The following SLC5A11 variants were observed in gnomAD, a reference collection of about 807,000 sequenced individuals.
SLC5A11 encodes the protein solute carrier family 5 member 11.
In SLC5A11, 48 loss-of-function variants were observed where a neutral mutation model predicts 69.8. The ratio of observed to expected loss-of-function variants is 0.69; its 90% CI spans 0.55 to 0.87. The LOEUF is 0.87. Among genes scored for constraint, SLC5A11 ranks in the 40% least tolerant of loss-of-function variants. The pLI is 0.00. For synonymous variants in SLC5A11, 319 were observed against 342.4 expected (o/e 0.93, Z 0.75); for missense variants, 784 against 866.1 (o/e 0.91, Z 1.19).
chr16:24,898,160 T>C (rs1597250415), intron 10 of SLC5A11, 51 bp downstream of exon 11: 1 of 1,591,984 alleles, frequency 6.3e-7, no homozygotes, highest in Admixed American at 1.8e-5. Context: ...TCTCAGACCA[T>C]GTGAATTATT....
At chr16:24,852,043 T>C (rs943388053) in intron 1 of SLC5A11, among the ~76,000 whole-genome samples, 3 of 147,012 alleles carry the variant, frequency 2.0e-5, no homozygotes, top group Non-Finnish European at 4.5e-5. Context: ...CTCTAATGTG[T>C]TTGATACTCA....
intron 4 of SLC5A11, among the ~76,000 whole-genome samples, chr16:24,871,420 G>A (rs1300572334): frequency 2.0e-5 from 3 of 152,046 alleles, no homozygotes; most frequent in Non-Finnish European, 4.4e-5. Flanking sequence ...ACAGGTGCAC[G>A]CCACCATGCC....
chr16:24,906,970 A>G, intron 11 of SLC5A11, 55 bp from the exon 13 acceptor site: 1 of 1,590,930 alleles, frequency 6.3e-7, no homozygotes, highest in East Asian at 2.2e-5. Context: ...GCCCACTGGG[A>G]TCGGCTGCTT....
intron 10 of SLC5A11, among the ~76,000 whole-genome samples, chr16:24,905,658 A>G (rs1343143445): frequency 2.4e-4 from 36 of 151,528 alleles, no homozygotes; most frequent in Non-Finnish European, 4.9e-4. Context: ...ACACACACAC[A>G]CACACACACA....
At chr16:24,873,418 G>A (rs2047463381) in intron 5 of SLC5A11, among the ~76,000 whole-genome samples, 2 of 152,144 alleles carry the variant, frequency 1.3e-5, no homozygotes, top group Middle Eastern at 6.8e-3. Context: ...ATTGCTTGAA[G>A]CCAGGAGTTT....
At chr16:24,910,543 T>TTC (rs2050443344) in intron 15 of SLC5A11, 66 bp downstream of exon 16, 2 of 1,520,068 alleles carry the variant, frequency 1.3e-6, no homozygotes, top group South Asian at 2.6e-5. Context: ...ATTTTTTTTT[T>TTC]TTTCCTATCA....
intron 10 of SLC5A11, among the ~76,000 whole-genome samples, chr16:24,905,489 A>G (rs1468958419): frequency 1.3e-5 from 2 of 151,718 alleles, no homozygotes; most frequent in Non-Finnish European, 2.9e-5. Context: ...AGAAAAAGAA[A>G]TTAGCTGGGT....
At chr16:24,851,348 A>G (rs1430619107) in intron 1 of SLC5A11, among the ~76,000 whole-genome samples, 6 of 151,346 alleles carry the variant, frequency 4.0e-5, no homozygotes, top group African/African-American at 1.5e-4. Flanking sequence ...CCCCATGTCT[A>G]CTAAAAATAC....
chr16:24,878,276 G>A (rs141759722), intron 7 of SLC5A11, among the ~76,000 whole-genome samples: 1 of 152,334 alleles, frequency 6.6e-6, no homozygotes, highest in East Asian at 1.9e-4. Context: ...TGCACTCACA[G>A]GCACAATACA....
intron 7 of SLC5A11, among the ~76,000 whole-genome samples, chr16:24,882,291 G>T (rs982797694): frequency 1.3e-5 from 2 of 152,146 alleles, no homozygotes; most frequent in Admixed American, 6.5e-5. Context: ...AATATAGAAA[G>T]GATGGTGGGG....
intron 10 of SLC5A11, among the ~76,000 whole-genome samples, chr16:24,899,682 G>A (rs756459757): frequency 4.0e-5 from 6 of 151,524 alleles, no homozygotes; most frequent in African/African-American, 7.3e-5. Context: ...GATTACAGGC[G>A]TGAGCCACCA....
chr16:24,871,194 C>CA (rs2152301715), intron 4 of SLC5A11, among the ~76,000 whole-genome samples: 1 of 152,280 alleles, frequency 6.6e-6, no homozygotes, highest in Admixed American at 6.5e-5. Flanking sequence ...ATTCTTGCTC[C>CA]AACACGTATA....
intron 8 of SLC5A11, among the ~76,000 whole-genome samples, chr16:24,884,930 A>G (rs1597165999): frequency 2.0e-5 from 3 of 151,636 alleles, no homozygotes; most frequent in Admixed American, 6.6e-5. Flanking sequence ...TTTTAAATAG[A>G]TGGGGTTTCG....
intron 9 of SLC5A11, among the ~76,000 whole-genome samples, chr16:24,896,216 T>C (rs1000377250): frequency 6.6e-6 from 1 of 152,004 alleles, no homozygotes; most frequent in Non-Finnish European, 1.5e-5. Flanking sequence ...ACATAAAATG[T>C]AGCCAAGTGT....
chr16:24,903,382 GA>G (rs1209400756), intron 10 of SLC5A11, among the ~76,000 whole-genome samples: 3 of 152,076 alleles, frequency 2.0e-5, no homozygotes, highest in Non-Finnish European at 4.4e-5. Flanking sequence ...TCGACTATTT[GA>G]AAATGTACAA....
chr16:24,909,100 C>CAT lies in SLC5A11; in HGVS notation c.1650+5_1650+6dup. 1 of 1,613,834 alleles carries CAT rather than the reference C, an allele frequency of 6.2e-7. No individual in the cohort carries two copies. The highest frequency in any genetic ancestry group is 8.5e-7 in the Non-Finnish European group (1 of 1,179,788). On this transcript the variant is annotated splice_donor_region_variant and intron_variant, in intron 14 of 15. Coordinates refer to ENST00000347898, the Ensembl canonical transcript of SLC5A11. ...AGAGCCACCCTCCAAGGAGATGGTA[C>CAT]ATTTGGGCTGATGGCTAGATCCGTT...
At chr16:24,877,224 C>A in intron 6 of SLC5A11, 34 bp from the exon 8 acceptor site, 1 of 1,609,780 alleles carries the variant, frequency 6.2e-7, no homozygotes, top group South Asian at 1.1e-5. Context: ...TTCATTCGTT[C>A]ATTTGTTCAT....
intron 3 of SLC5A11, among the ~76,000 whole-genome samples, chr16:24,869,380 G>A (rs1007992649): frequency 2.6e-5 from 4 of 152,116 alleles, no homozygotes; most frequent in African/African-American, 7.2e-5. Context: ...CTTGGGCCAG[G>A]TACCCAGGCC....
chr16:24,873,186 A>AG (rs1397000777), intron 5 of SLC5A11, among the ~76,000 whole-genome samples: 15 of 113,872 alleles, frequency 1.3e-4, no homozygotes, highest in East Asian at 4.8e-4. Flanking sequence ...GAAAGGGGAA[A>AG]AGGGAAAGGG....
Sources: allele counts gnomAD v4.1 joint callset (sites outside exome capture counted in the v4.1 genomes callset), GRCh38; gene constraint gnomAD v4.1.1; transcripts MANE v1.5; gene names NCBI Gene and HGNC (gene_info 2026-07-23, HGNC 2026-07-21).